ZFR: variants seen among roughly 807,000 people sequenced by gnomAD.
ZFR encodes the protein zinc finger RNA binding protein.
In ZFR, 19 loss-of-function variants were observed where a neutral mutation model predicts 130.7. The ratio of observed to expected loss-of-function variants is 0.15; its 90% CI spans 0.10 to 0.21. ZFR has a LOEUF of 0.21. ZFR is among the 10% of genes least tolerant of loss of function. The pLI is 1.00. For synonymous variants in ZFR, 466 were observed against 456.9 expected, an observed-to-expected ratio of 1.02 and a Z score of -0.25; for missense variants, 872 against 1,321.5, an observed-to-expected ratio of 0.66 and a Z score of 5.27.
chr5:32,363,849 T>C (rs1752484107), intron 19 of ZFR, 99 bp downstream of exon 19: 3 of 994,296 alleles, frequency 3.0e-6, no homozygotes, highest in Non-Finnish European at 2.9e-6. Flanking sequence ...GAAGAACGAA[T>C]ATTATATAGT....
At chr5:32,415,511 T>TGTGC in intron 4 of ZFR, among the ~76,000 whole-genome samples, 1 of 93,554 alleles carries the variant, frequency 1.1e-5, no homozygotes, top group Non-Finnish European at 2.1e-5. Context: ...TGTGTGTGTG[T>TGTGC]GTGTGCGCGC....
intron 2 of ZFR, among the ~76,000 whole-genome samples, chr5:32,421,495 T>C (rs970971884): frequency 1.2e-4 from 18 of 152,178 alleles, no homozygotes; most frequent in African/African-American, 3.1e-4. Flanking sequence ...GAAGTTCATA[T>C]TAGATTGTAA....
intron 15 of ZFR, among the ~76,000 whole-genome samples, chr5:32,383,308 C>T (rs961957612): frequency 5.3e-5 from 8 of 152,176 alleles, no homozygotes; most frequent in African/African-American, 1.9e-4. Context: ...TGGCAGCAAC[C>T]CCTGACAGGA....
intron 17 of ZFR, among the ~76,000 whole-genome samples, chr5:32,371,333 G>A (rs714931): frequency 0.044 from 6,647 of 152,194 alleles, 219 homozygotes; most frequent in Non-Finnish European, 0.068. Flanking sequence ...CTGCTCCATC[G>A]CCCTCCAGTT....
chr5:32,409,403 A>AT (rs1361473481), intron 5 of ZFR, among the ~76,000 whole-genome samples: 1 of 151,352 alleles, frequency 6.6e-6, no homozygotes. Context: ...TTTGTATTAT[A>AT]TTTTCTATTC....
intron 2 of ZFR, among the ~76,000 whole-genome samples, chr5:32,440,614 TC>T (rs1754447709): frequency 6.7e-6 from 1 of 150,128 alleles, no homozygotes; most frequent in South Asian, 2.1e-4. Flanking sequence ...GCCATTGCAC[TC>T]CAGCCTGGGT....
At chr5:32,371,036 G>C (rs1752659149) in intron 17 of ZFR, among the ~76,000 whole-genome samples, 1 of 152,176 alleles carries the variant, frequency 6.6e-6, no homozygotes, top group Non-Finnish European at 1.5e-5. Context: ...CAATAGCACA[G>C]ACAGAAACTG....
At chr5:32,390,914 G>A (rs1222182771) in intron 11 of ZFR, among the ~76,000 whole-genome samples, 1 of 152,252 alleles carries the variant, frequency 6.6e-6, no homozygotes, top group East Asian at 1.9e-4. Context: ...ACACATTAAG[G>A]GTGTTGGGAA....
At chr5:32,367,739 T>G (rs1752579193) in intron 17 of ZFR, among the ~76,000 whole-genome samples, 1 of 152,202 alleles carries the variant, frequency 6.6e-6, no homozygotes, top group Non-Finnish European at 1.5e-5. Context: ...CCAGCCTTAT[T>G]TGCTTTTTAA....
intron 2 of ZFR, among the ~76,000 whole-genome samples, chr5:32,434,265 A>G (rs573264405): frequency 1.2e-4 from 18 of 152,366 alleles, no homozygotes; most frequent in African/African-American, 3.6e-4. Flanking sequence ...AAATTCATGT[A>G]GGACATTATC....
Position 32,406,889 on chromosome 5 carries a change from G to A in ZFR, c.917C>T (p.Thr306Ile). Reference protein sequence around the residue: ...AAAATAAWTGTTFTKKAPFQN... With the variant: ...AAAATAAWTGITFTKKAPFQN... ...GAATGGTGCTTTTTTAGTAAAGGTGGTCCCTGTCCAGGCAGCTGTTGCAGC... is the reference window on the plus strand; with the variant it reads ...GAATGGTGCTTTTTTAGTAAAGGTGATCCCTGTCCAGGCAGCTGTTGCAGC... Residue 306 changes from threonine (T) to isoleucine (I), a missense_variant, in exon 6 of 20, where the codon ACC becomes ATC. Thr to Ile is a moderately conservative substitution (Grantham distance 89). Coordinates refer to ENST00000265069, the MANE Select transcript of ZFR (RefSeq NM_016107.5). 2.5e-6 allele frequency: 4 copies of A among 1,613,870 alleles called. No homozygotes were observed. The highest frequency in any genetic ancestry group is 3.4e-6 in the Non-Finnish European group (4 of 1,179,948).
In ZFR at chr5:32,400,234, T is replaced by G. The variant is rs978162977; in HGVS notation, c.1517-31A>C. The G allele has an allele frequency of 3.4e-6, 5 of 1,487,482 alleles. No individual in the cohort carries two copies. In the African/African-American group the frequency reaches 4.3e-5, roughly 13 times the overall value. 92.1% of individuals were successfully genotyped at this position (1,487,482 alleles called of 1,614,324 possible). On this transcript the variant is annotated intron_variant, in intron 8 of 19. Transcript: ENST00000265069. ...AAAGTATCAAAAAGTTAAAAAAAAT[T>G]TTATTTTTGTATAAATATATATACC...
intron 17 of ZFR, among the ~76,000 whole-genome samples, chr5:32,378,380 G>T (rs1042435557): frequency 1.4e-4 from 21 of 152,206 alleles, no homozygotes; most frequent in Admixed American, 2.6e-4. Context: ...GTTTTAAACT[G>T]TGATAGCAAG....
chr5:32,355,532 T>G lies in ZFR; in HGVS notation c.*228A>C. ...ATAAAATAAAAATAATGGGAAAAAA[T>G]CGGAACTACTGTTTTCCCCCTAGTC... On this transcript the variant is annotated 3_prime_UTR_variant, in exon 20 of 20. Transcript: ENST00000265069. The G allele has an allele frequency of 3.0e-6, 1 of 330,088 alleles. No individual in the cohort carries two copies. Among genetic ancestry groups the G allele is most frequent in the Non-Finnish European group, 5.4e-6 (1 of 185,890 alleles). 20.4% of individuals were successfully genotyped at this position (330,088 alleles called of 1,614,324 possible).
chr5:32,390,385 A>C lies in ZFR; in HGVS notation c.2032T>G (p.Trp678Gly), dbSNP rs765047719. 6.2e-7 allele frequency: 1 copy of C among 1,614,080 alleles called. No individual in the cohort carries two copies. The highest frequency in any genetic ancestry group is 8.5e-7 in the Non-Finnish European group (1 of 1,180,000). ...WRRMEEEQHH[W>G]DDRRRMPDGG... is the part of the protein sequence containing the mutation. ...TCTGGCATTCGGCGGCGATCATCCCAATGATGTTGTTCTTCCTCCATTCTC... is the reference window on the plus strand; with the variant it reads ...TCTGGCATTCGGCGGCGATCATCCCCATGATGTTGTTCTTCCTCCATTCTC... Residue 678 changes from tryptophan (W) to glycine (G), a missense_variant, in exon 12 of 20, where the codon TGG becomes GGG. By Grantham distance (184) the Trp-to-Gly change is radical. Around this residue, in one of 7 missense-constraint regions of ZFR, gnomAD observed 225 missense variants for 282.4 expected, o/e 0.80. Transcript: ENST00000265069.
chr5:32,442,720 A>C lies in ZFR; in HGVS notation c.137+1509T>G, dbSNP rs187316580. 1.7e-4 allele frequency among the ~76,000 whole-genome samples: 25 copies of C among 151,230 alleles called. No homozygotes were observed. The East Asian group carries it at 3.7e-3, about 22-fold the overall frequency. On this transcript the variant is annotated intron_variant, in intron 2 of 19. Transcript: ENST00000265069. The stretch of plus-strand genomic sequence containing the variant: ...CTTAAGCAGTGTCTTAACTGGCAGC[A>C]TTTTTTTTTAGTGCTACATACAATA...
intron 2 of ZFR, among the ~76,000 whole-genome samples, chr5:32,427,477 G>A (rs1430052054): frequency 6.6e-6 from 1 of 151,594 alleles, no homozygotes; most frequent in Non-Finnish European, 1.5e-5. Context: ...ACAAAACACT[G>A]CTGAAAGATT....
chr5:32,414,855 A>G (rs1342320815), intron 5 of ZFR, 114 bp downstream of exon 5: 13 of 933,512 alleles, frequency 1.4e-5, no homozygotes, highest in Admixed American at 2.8e-5. Context: ...ATGTCTATCA[A>G]TTAATTTAAT....
At chr5:32,369,694 C>A (rs1017676760) in intron 17 of ZFR, among the ~76,000 whole-genome samples, 7 of 151,992 alleles carry the variant, frequency 4.6e-5, no homozygotes, top group African/African-American at 1.7e-4. Context: ...CACCTACAGT[C>A]CTATGTACGT....
Sources: allele counts gnomAD v4.1 joint callset (sites outside exome capture counted in the v4.1 genomes callset), GRCh38; gene constraint gnomAD v4.1.1; regional missense constraint gnomAD v4.1.1; transcripts MANE v1.5; gene names NCBI Gene and HGNC (gene_info 2026-07-23, HGNC 2026-07-21).